Variants in CNTNAP2 observed in about 807,000 individuals in gnomAD.
CNTNAP2 encodes the protein contactin associated protein 2.
Under a neutral mutation model 155.2 loss-of-function variants are expected in CNTNAP2, and 98 were observed. That is an observed-to-expected ratio of 0.63 (90% CI 0.54 to 0.75). The LOEUF (loss-of-function observed/expected upper bound fraction) is 0.75, where lower values mean the gene tolerates loss of function less well. Among genes scored for constraint, CNTNAP2 ranks in the 30% least tolerant of loss-of-function variants. CNTNAP2 has a pLI of 0.00. For synonymous variants in CNTNAP2, 651 were observed against 631.2 expected (o/e 1.03, Z -0.47); for missense variants, 1,727 against 1,688.1 (o/e 1.02, Z -0.40).
intron 1 of CNTNAP2, among the ~76,000 whole-genome samples, chr7:146,316,758 A>T (rs1485361224): frequency 1.4e-5 from 2 of 145,694 alleles, no homozygotes; most frequent in South Asian, 4.4e-4. Context: ...AGGTTTTTTA[A>T]TTTTTTTTTT....
chr7:147,576,592 C>A (rs1800400389), intron 12 of CNTNAP2, among the ~76,000 whole-genome samples: 1 of 152,018 alleles, frequency 6.6e-6, no homozygotes, highest in Admixed American at 6.6e-5. Context: ...CCTCAGTCAG[C>A]ATTATGAAAA....
chr7:147,950,406 T>G lies in CNTNAP2; in HGVS notation c.2256-27456T>G, dbSNP rs192976140. Among the ~76,000 whole-genome samples, 173 of 147,680 alleles carry G rather than the reference T, an allele frequency of 1.2e-3. 1 individual carries two copies. Among genetic ancestry groups the G allele is most frequent in the African/African-American group, 4.2e-3 (164 of 39,072 alleles). ...AAAAAAAAAAAAAGACCTTACAGTTTTGTTTATTGTGCTTATCACAAGTGC... is the reference window on the plus strand; with the variant it reads ...AAAAAAAAAAAAAGACCTTACAGTTGTGTTTATTGTGCTTATCACAAGTGC... On this transcript the variant is annotated intron_variant, in intron 14 of 23. Coordinates refer to ENST00000361727, the MANE Select transcript of CNTNAP2 (RefSeq NM_014141.6).
intron 1 of CNTNAP2, among the ~76,000 whole-genome samples, chr7:146,547,797 G>T (rs1798050760): frequency 1.3e-5 from 2 of 150,332 alleles, no homozygotes; most frequent in Admixed American, 1.3e-4. Context: ...CAAGATCCTG[G>T]TTTTAATTAT....
At chr7:147,990,892 T>C (rs1469027605) in intron 15 of CNTNAP2, among the ~76,000 whole-genome samples, 1 of 152,044 alleles carries the variant, frequency 6.6e-6, no homozygotes, top group African/African-American at 2.4e-5. Context: ...TTTAGCCCCC[T>C]TTTCCCCTCC....
At chr7:147,976,808 T>C (rs982319971) in intron 14 of CNTNAP2, among the ~76,000 whole-genome samples, 1 of 152,050 alleles carries the variant, frequency 6.6e-6, no homozygotes, top group Non-Finnish European at 1.5e-5. Flanking sequence ...CTTTACATCA[T>C]TGAACTGTCT....
chr7:148,330,346 ATGGAG>A (rs1446309601), intron 21 of CNTNAP2, among the ~76,000 whole-genome samples: 2 of 151,482 alleles, frequency 1.3e-5, no homozygotes, highest in Non-Finnish European at 2.9e-5. Flanking sequence ...GAATGGATGG[ATGGAG>A]TGGACAGATG....
chr7:147,790,085 C>T (rs751233093), intron 13 of CNTNAP2, among the ~76,000 whole-genome samples: 3 of 152,108 alleles, frequency 2.0e-5, no homozygotes, highest in Non-Finnish European at 4.4e-5. Context: ...CCCTGACCTA[C>T]TATACCCTTA....
At chr7:146,460,420 T>C (rs1039572358) in intron 1 of CNTNAP2, among the ~76,000 whole-genome samples, 1 of 152,164 alleles carries the variant, frequency 6.6e-6, no homozygotes, top group Non-Finnish European at 1.5e-5. Context: ...GCAATCTTAC[T>C]TCTGGGTATA....
At chr7:146,709,512 G>A (rs1001246080) in intron 1 of CNTNAP2, among the ~76,000 whole-genome samples, 1 of 152,174 alleles carries the variant, frequency 6.6e-6, no homozygotes, top group African/African-American at 2.4e-5. Context: ...TCTCAGTCAA[G>A]CCTAAAGTTT....
At chr7:147,390,835 G>A (rs1015139780) in intron 9 of CNTNAP2, among the ~76,000 whole-genome samples, 1 of 152,048 alleles carries the variant, frequency 6.6e-6, no homozygotes, top group Non-Finnish European at 1.5e-5. Context: ...ATTATAATGT[G>A]AAGATTTATG....
chr7:147,173,896 T>A (rs1227377376), intron 8 of CNTNAP2, among the ~76,000 whole-genome samples: 1 of 152,018 alleles, frequency 6.6e-6, no homozygotes, highest in Non-Finnish European at 1.5e-5. Context: ...GGGGAGTGAG[T>A]ATACATGGAG....
chr7:147,092,573 G>A (rs1191475379), intron 4 of CNTNAP2, among the ~76,000 whole-genome samples: 1 of 152,120 alleles, frequency 6.6e-6, no homozygotes, highest in Non-Finnish European at 1.5e-5. Context: ...TATTCTAGTA[G>A]ACTCAATAAA....
At chr7:147,683,900 A>G (rs1391833383) in intron 13 of CNTNAP2, among the ~76,000 whole-genome samples, 3 of 151,678 alleles carry the variant, frequency 2.0e-5, no homozygotes, top group Admixed American at 1.3e-4. Context: ...GTTTCAACAG[A>G]GTAAGTCAGA....
rs1458240407 is a variant in CNTNAP2 at position 148,418,274 on chromosome 7, C to A, written c.*2658C>A. 6.6e-6 allele frequency: 1 copy of A among 152,214 alleles called. No individual in the cohort carries two copies. Among genetic ancestry groups the A allele is most frequent in the East Asian group, 1.9e-4 (1 of 5,198 alleles). 9.4% of individuals were successfully genotyped at this position (152,214 alleles called of 1,614,324 possible). A position where few individuals can be genotyped will look rare whatever the true frequency, so the allele number is the denominator to read the frequency against. On this transcript the variant is annotated 3_prime_UTR_variant, in exon 24 of 24. Coordinates refer to ENST00000361727, the MANE Select transcript of CNTNAP2 (RefSeq NM_014141.6). ...CCAACTCTCTCCTTGGATAGCCTAG[C>A]ACAGTGCAGCCTCCATAACCATGAC...
At chr7:147,869,883 T>G (rs1001575284) in intron 13 of CNTNAP2, among the ~76,000 whole-genome samples, 1 of 152,224 alleles carries the variant, frequency 6.6e-6, no homozygotes, top group Non-Finnish European at 1.5e-5. Flanking sequence ...CCATTTAAAT[T>G]GATTATCTTG....
chr7:147,862,861 T>C (rs1436588596), intron 13 of CNTNAP2, among the ~76,000 whole-genome samples: 1 of 152,096 alleles, frequency 6.6e-6, no homozygotes, highest in Admixed American at 6.6e-5. Flanking sequence ...AGATACAAAC[T>C]GATTTCCAAA....
intron 1 of CNTNAP2, among the ~76,000 whole-genome samples, chr7:146,305,460 G>A (rs1800692153): frequency 6.6e-6 from 1 of 152,100 alleles, no homozygotes; most frequent in South Asian, 2.1e-4. Context: ...GGGTTTTGGT[G>A]TGGATGTCCT....
chr7:146,762,748 G>T (rs1802125298), intron 1 of CNTNAP2, among the ~76,000 whole-genome samples: 1 of 152,182 alleles, frequency 6.6e-6, no homozygotes, highest in South Asian at 2.1e-4. Context: ...TCATAATCAT[G>T]GTGGAAGGCA....
At chr7:148,216,555 C>T (rs1048303175) in intron 18 of CNTNAP2, among the ~76,000 whole-genome samples, 3 of 152,168 alleles carry the variant, frequency 2.0e-5, no homozygotes, top group African/African-American at 7.2e-5. Flanking sequence ...GTTCCCTGTA[C>T]CAGGGATTTA....
Sources: gnomAD v4.1 joint callset for allele counts (sites outside exome capture counted in the v4.1 genomes callset) on GRCh38, gnomAD v4.1.1 for gene constraint, MANE v1.5 for transcripts, NCBI Gene and HGNC (gene_info 2026-07-23, HGNC 2026-07-21) for gene names.